PLXNC1: variants seen among roughly 807,000 people sequenced by gnomAD.
PLXNC1 encodes plexin C1.
A neutral mutation model predicts 178.2 loss-of-function variants in PLXNC1; 75 were observed. The observed-to-expected ratio is 0.42, with a 90% CI of 0.35 to 0.51. The LOEUF (loss-of-function observed/expected upper bound fraction) is 0.51. Ranked by LOEUF, PLXNC1 falls within the 20% of genes least tolerant of loss-of-function variation. The pLI, the probability that PLXNC1 is intolerant of heterozygous loss-of-function variation, is 0.02. For synonymous variants in PLXNC1, 790 were observed against 779.9 expected (o/e 1.01, Z -0.22); for missense variants, 1,503 against 1,984.4 (o/e 0.76, Z 4.61).
At chr12:94,175,181 T>C (rs1005562956) in intron 2 of PLXNC1, among the ~76,000 whole-genome samples, 3 of 151,806 alleles carry the variant, frequency 2.0e-5, no homozygotes, top group East Asian at 1.9e-4. Context: ...GTGTGTGAGC[T>C]TGTGTGTGTG....
In PLXNC1 at chr12:94,268,588, C is replaced by CTTTTTTTTTTTTTTTTTTT. The variant is rs61265662; in HGVS notation, c.3597+3369_3597+3387dup. Among the ~76,000 whole-genome samples the CTTTTTTTTTTTTTTTTTTT allele has an allele frequency of 1.2e-4, 11 of 90,880 alleles. 1 individual carries two copies. Among genetic ancestry groups the CTTTTTTTTTTTTTTTTTTT allele is most frequent in the African/African-American group, 4.6e-4 (10 of 21,732 alleles). The allele number at this position is 90,880 out of a possible 152,430, so 59.6% of individuals were successfully genotyped here. On this transcript the variant is annotated intron_variant, in intron 21 of 30. Transcript: ENST00000258526. ...TCAGACAGCTGGAAGAGAATAAGAC[C>CTTTTTTTTTTTTTTTTTTT]TTTTTTTTTTTTTTTTTTTTTTTTA...
intron 1 of PLXNC1, 46 bp from the exon 2 acceptor site, chr12:94,169,107 G>A (rs779371215): frequency 3.9e-6 from 6 of 1,540,006 alleles, no homozygotes; most frequent in South Asian, 2.3e-5. Flanking sequence ...AACTATTGTT[G>A]TTAAAAATTA....
At chr12:94,222,965 T>A (rs1963837097) in intron 6 of PLXNC1, among the ~76,000 whole-genome samples, 1 of 152,256 alleles carries the variant, frequency 6.6e-6, no homozygotes, top group Non-Finnish European at 1.5e-5. Flanking sequence ...TGTGGAATTC[T>A]GACTTTCAGA....
chr12:94,206,723 T>C (rs1963312650), intron 4 of PLXNC1, among the ~76,000 whole-genome samples: 1 of 152,214 alleles, frequency 6.6e-6, no homozygotes, highest in Non-Finnish European at 1.5e-5. Context: ...AATATATCTC[T>C]ACCAGTTTCC....
At chr12:94,162,322 C>T (rs1961415943) in intron 1 of PLXNC1, among the ~76,000 whole-genome samples, 1 of 152,008 alleles carries the variant, frequency 6.6e-6, no homozygotes, top group Non-Finnish European at 1.5e-5. Context: ...GGTAATGTGT[C>T]CAGAGTCTGA....
At chr12:94,295,261 C>A (rs766757130) in intron 24 of PLXNC1, among the ~76,000 whole-genome samples, 4 of 152,204 alleles carry the variant, frequency 2.6e-5, no homozygotes, top group Non-Finnish European at 5.9e-5. Flanking sequence ...GAGCATCTGG[C>A]CAGTGCAAAC....
chr12:94,197,479 C>T (rs976549327), intron 4 of PLXNC1, among the ~76,000 whole-genome samples: 1 of 151,952 alleles, frequency 6.6e-6, no homozygotes, highest in African/African-American at 2.4e-5. Flanking sequence ...CTCCCTCGTG[C>T]TTTCTTGCCC....
At chr12:94,210,220 T>A (rs1592767193) in intron 5 of PLXNC1, among the ~76,000 whole-genome samples, 1 of 152,210 alleles carries the variant, frequency 6.6e-6, no homozygotes, top group African/African-American at 2.4e-5. Flanking sequence ...GCAGTGACCA[T>A]TGCAAGTGAG....
At chr12:94,169,984 C>T (rs1592728346) in intron 2 of PLXNC1, among the ~76,000 whole-genome samples, 4 of 152,158 alleles carry the variant, frequency 2.6e-5, no homozygotes, top group Admixed American at 2.6e-4. Flanking sequence ...AGTTATCTAG[C>T]GTTCATCTTA....
At chr12:94,259,780 C>G (rs1007199967) in intron 19 of PLXNC1, 46 bp downstream of exon 19, 1 of 1,534,710 alleles carries the variant, frequency 6.5e-7, no homozygotes, top group Non-Finnish European at 8.8e-7. Context: ...AAGAAAAAAT[C>G]AGGCCGGGCA....
chr12:94,203,473 T>C (rs972539150), intron 4 of PLXNC1, among the ~76,000 whole-genome samples: 3 of 152,146 alleles, frequency 2.0e-5, no homozygotes, highest in African/African-American at 7.2e-5. Context: ...GTTTGAAAAA[T>C]GCTGAGAAAT....
intron 1 of PLXNC1, among the ~76,000 whole-genome samples, chr12:94,158,951 G>A (rs1221119439): frequency 1.3e-5 from 2 of 152,214 alleles, no homozygotes; most frequent in African/African-American, 4.8e-5. Flanking sequence ...CATGGCTAAG[G>A]TTGATGGAGT....
chr12:94,293,953 T>C (rs557900915), intron 23 of PLXNC1, among the ~76,000 whole-genome samples: 1 of 151,974 alleles, frequency 6.6e-6, no homozygotes, highest in Non-Finnish European at 1.5e-5. Flanking sequence ...ACTATTCCCA[T>C]CATGAGGGCT....
chr12:94,282,161 C>CGT (rs1426144811), intron 22 of PLXNC1, 137 bp from the exon 23 acceptor site: 1 of 622,590 alleles, frequency 1.6e-6, no homozygotes, highest in Non-Finnish European at 2.9e-6. Flanking sequence ...TTCAGGCTAC[C>CGT]AGTCTGGCTG....
At chr12:94,266,700 C>T (rs1225819970) in intron 21 of PLXNC1, among the ~76,000 whole-genome samples, 1 of 152,238 alleles carries the variant, frequency 6.6e-6, no homozygotes, top group Admixed American at 6.5e-5. Context: ...CTCTATGCCT[C>T]ATTCTCCTCA....
intron 17 of PLXNC1, among the ~76,000 whole-genome samples, chr12:94,255,689 A>G (rs951007834): frequency 3.3e-5 from 5 of 152,226 alleles, no homozygotes; most frequent in Non-Finnish European, 7.3e-5. Context: ...TGCAGTGACT[A>G]GATTATTCAC....
intron 28 of PLXNC1, among the ~76,000 whole-genome samples, chr12:94,302,420 T>C (rs1968556339): frequency 6.6e-6 from 1 of 152,330 alleles, no homozygotes; most frequent in South Asian, 2.1e-4. Flanking sequence ...CCAGAAACTG[T>C]AGGAGACTCA....
chr12:94,303,680 T>C, intron 28 of PLXNC1, 76 bp from the exon 29 acceptor site: 1 of 1,283,156 alleles, frequency 7.8e-7, no homozygotes, highest in South Asian at 1.7e-5. Flanking sequence ...TGGAATATTA[T>C]AAATTCCTCC....
rs1367632636 is a variant in PLXNC1 at position 94,254,384 on chromosome 12, T to C, written c.2882-403T>C. 1.3e-5 allele frequency: 5 copies of C among 379,128 alleles called. No individual in the cohort carries two copies. The Admixed American group carries it at 1.7e-4, about 13-fold the overall frequency. The allele number at this position is 379,128 out of a possible 1,614,324, so 23.5% of individuals were successfully genotyped here. ...TTCTACGTTTGCAGCACAACTTTAT[T>C]TCTCCAGGGATGCTTACAAACATTC... On this transcript the variant is annotated intron_variant, in intron 15 of 30. Transcript: ENST00000258526.
Sources: gnomAD v4.1 joint callset for allele counts (sites outside exome capture counted in the v4.1 genomes callset) on GRCh38, gnomAD v4.1.1 for gene constraint, MANE v1.5 for transcripts, NCBI Gene and HGNC (gene_info 2026-07-23, HGNC 2026-07-21) for gene names.